The following ADGRB3 variants were observed in gnomAD, a reference collection of about 807,000 sequenced individuals.
ADGRB3 encodes adhesion G protein-coupled receptor B3.
A neutral mutation model predicts 193.4 loss-of-function variants in ADGRB3; 37 were observed. The ratio of observed to expected loss-of-function variants is 0.19; its 90% CI spans 0.15 to 0.25. The LOEUF is 0.25. Among genes scored for constraint, ADGRB3 ranks in the 10% least tolerant of loss-of-function variants. The pLI, the probability that ADGRB3 is intolerant of heterozygous loss-of-function variation, is 1.00. For synonymous variants in ADGRB3, 690 were observed against 644.2 expected, an observed-to-expected ratio of 1.07 and a Z score of -1.08; for missense variants, 1,637 against 1,852.9, an observed-to-expected ratio of 0.88 and a Z score of 2.14.
At chr6:68,711,674 C>A (rs1402955245) in intron 3 of ADGRB3, among the ~76,000 whole-genome samples, 1 of 152,074 alleles carries the variant, frequency 6.6e-6, no homozygotes, top group Non-Finnish European at 1.5e-5. Context: ...GACTTGACTG[C>A]TGGGTCTGCT....
At chr6:69,008,180 G>A (rs766294777) in intron 11 of ADGRB3, among the ~76,000 whole-genome samples, 3 of 152,080 alleles carry the variant, frequency 2.0e-5, no homozygotes, top group Non-Finnish European at 2.9e-5. Context: ...TGCAATCACT[G>A]TCTGAAATCA....
intron 17 of ADGRB3, among the ~76,000 whole-genome samples, chr6:69,209,983 A>T (rs1324012554): frequency 6.6e-6 from 1 of 150,926 alleles, no homozygotes; most frequent in Non-Finnish European, 1.5e-5. Context: ...AACTCCAGAA[A>T]CCCCAAAACC....
intron 15 of ADGRB3, among the ~76,000 whole-genome samples, chr6:69,061,989 G>T (rs1771763800): frequency 6.6e-6 from 1 of 151,760 alleles, no homozygotes; most frequent in South Asian, 2.1e-4. Flanking sequence ...CAAAAAAGGA[G>T]AAAAAAATTA....
intron 17 of ADGRB3, among the ~76,000 whole-genome samples, chr6:69,104,677 CAA>C (rs1296609341): frequency 3.9e-5 from 6 of 151,942 alleles, no homozygotes; most frequent in East Asian, 1.9e-4. Flanking sequence ...GGTAAGAAAA[CAA>C]AGAGTAACAC....
chr6:69,199,492 CAT>C (rs1347044193), intron 17 of ADGRB3, among the ~76,000 whole-genome samples: 2 of 152,036 alleles, frequency 1.3e-5, no homozygotes, highest in African/African-American at 4.8e-5. Flanking sequence ...GTTCAAGAAA[CAT>C]AAGCTTTTCT....
At chr6:68,994,997 A>G (rs1365885172) in intron 11 of ADGRB3, among the ~76,000 whole-genome samples, 1 of 152,192 alleles carries the variant, frequency 6.6e-6, no homozygotes, top group African/African-American at 2.4e-5. Flanking sequence ...AGAGGTACAT[A>G]TATTGCTAAA....
At chr6:68,732,498 T>A (rs1765792825) in intron 3 of ADGRB3, among the ~76,000 whole-genome samples, 1 of 151,980 alleles carries the variant, frequency 6.6e-6, no homozygotes, top group African/African-American at 2.4e-5. Flanking sequence ...CATTCCCTCA[T>A]ATCATTTGGC....
At chr6:69,263,467 T>C (rs1766972225) in intron 20 of ADGRB3, among the ~76,000 whole-genome samples, 2 of 152,036 alleles carry the variant, frequency 1.3e-5, no homozygotes, top group Admixed American at 1.3e-4. Context: ...ACTGTCTTTG[T>C]TAAGCATCAT....
chr6:68,700,119 A>G (rs1765217694), intron 3 of ADGRB3, among the ~76,000 whole-genome samples: 1 of 152,210 alleles, frequency 6.6e-6, no homozygotes, highest in Non-Finnish European at 1.5e-5. Flanking sequence ...ACCTTAATGC[A>G]AATTTTGATA....
At chr6:68,821,143 G>A (rs2127380205) in intron 3 of ADGRB3, among the ~76,000 whole-genome samples, 1 of 152,038 alleles carries the variant, frequency 6.6e-6, no homozygotes, top group East Asian at 1.9e-4. Flanking sequence ...CTTAATAACA[G>A]GACATAGAAA....
At chr6:68,746,411 A>G (rs1037066494) in intron 3 of ADGRB3, among the ~76,000 whole-genome samples, 2 of 151,964 alleles carry the variant, frequency 1.3e-5, no homozygotes, top group Non-Finnish European at 2.9e-5. Flanking sequence ...TTCTATAACT[A>G]TGTTTAGGAA....
intron 3 of ADGRB3, among the ~76,000 whole-genome samples, chr6:68,897,926 C>A (rs1766285137): frequency 6.9e-6 from 1 of 144,612 alleles, no homozygotes; most frequent in Non-Finnish European, 1.5e-5. Flanking sequence ...TAGGATTCTC[C>A]AGAGAAACAG....
intron 19 of ADGRB3, among the ~76,000 whole-genome samples, chr6:69,237,435 T>A (rs765500421): frequency 3.5e-4 from 53 of 152,070 alleles, no homozygotes; most frequent in Non-Finnish European, 5.9e-4. Context: ...TTTGGCAGAG[T>A]TACATTTTTA....
intron 5 of ADGRB3, among the ~76,000 whole-genome samples, chr6:68,943,291 G>A (rs12526204): frequency 0.096 from 14,528 of 151,884 alleles, 918 homozygotes; most frequent in Non-Finnish European, 0.14. Flanking sequence ...TTTTTAAATG[G>A]CAAAAAATCT....
intron 26 of ADGRB3, among the ~76,000 whole-genome samples, chr6:69,347,503 G>C (rs1769124882): frequency 6.6e-6 from 1 of 152,144 alleles, no homozygotes; most frequent in African/African-American, 2.4e-5. Context: ...GCCAGGCACA[G>C]TGGCTCATGC....
chr6:69,190,439 AAG>A (rs1765163555), intron 17 of ADGRB3, among the ~76,000 whole-genome samples: 2 of 152,014 alleles, frequency 1.3e-5, no homozygotes, highest in African/African-American at 4.8e-5. Flanking sequence ...GATATAAAGA[AAG>A]AAAATATTTC....
chr6:69,364,334 G>C (rs4142263), intron 29 of ADGRB3, among the ~76,000 whole-genome samples: 114,011 of 151,522 alleles, frequency 0.75, 44,098 homozygotes, highest in East Asian at 0.96. Flanking sequence ...GCCAAAAAGA[G>C]TGCAGAGGGT....
In ADGRB3 at chr6:68,884,752, G is replaced by C. The variant is rs1413579531; in HGVS notation, c.758-45807G>C. Reference sequence around the variant, plus strand: ...ACACAAAACATAAGATGCTGAATGGGTGAGAGGTTTGGCTTTCTTCATTTT... The same window carrying C: ...ACACAAAACATAAGATGCTGAATGGCTGAGAGGTTTGGCTTTCTTCATTTT... On this transcript the variant is annotated intron_variant, in intron 3 of 31. Transcript: ENST00000370598. Among the ~76,000 whole-genome samples the C allele has an allele frequency of 2.6e-5, 4 of 152,286 alleles. No homozygotes were observed. In the East Asian group the frequency reaches 7.7e-4, roughly 29 times the overall value.
intron 30 of ADGRB3, among the ~76,000 whole-genome samples, chr6:69,379,893 T>C (rs939817808): frequency 2.6e-5 from 4 of 152,050 alleles, no homozygotes; most frequent in African/African-American, 9.7e-5. Context: ...TTTCATTTGT[T>C]TCCATATTCA....
Sources: gnomAD v4.1 joint callset for allele counts (sites outside exome capture counted in the v4.1 genomes callset) on GRCh38, gnomAD v4.1.1 for gene constraint, MANE v1.5 for transcripts, NCBI Gene and HGNC (gene_info 2026-07-23, HGNC 2026-07-21) for gene names.